Variants in ELF1 observed in about 807,000 individuals in gnomAD.
ELF1 encodes the protein E74 like ETS transcription factor 1.
ELF1 carries 24 observed loss-of-function variants against 59.9 expected under a neutral mutation model. That is an observed-to-expected ratio of 0.40 (90% confidence interval 0.29 to 0.56). The LOEUF (loss-of-function observed/expected upper bound fraction) is 0.56. Ranked by LOEUF, ELF1 falls within the 20% of genes least tolerant of loss-of-function variation. The pLI, the probability that ELF1 is intolerant of heterozygous loss-of-function variation, is 0.44. For missense variants in ELF1, 627 were observed against 742.2 expected, an observed-to-expected ratio of 0.84 and a Z score of 1.80; for synonymous variants, 248 against 266.2, an observed-to-expected ratio of 0.93 and a Z score of 0.67.
At chr13:40,964,689 TA>T (rs1308821648) in intron 2 of ELF1, among the ~76,000 whole-genome samples, 1 of 152,098 alleles carries the variant, frequency 6.6e-6, no homozygotes, top group Non-Finnish European at 1.5e-5. Flanking sequence ...CATGCACCAT[TA>T]CGCCTGGCTA....
intron 1 of ELF1, among the ~76,000 whole-genome samples, chr13:40,988,182 A>C (rs1873656610): frequency 1.3e-5 from 2 of 152,320 alleles, no homozygotes; most frequent in South Asian, 4.1e-4. Context: ...CAGTCTTCCA[A>C]AGTTTGCCCA....
At chr13:40,999,977 TG>T in intron 1 of ELF1, among the ~76,000 whole-genome samples, 1 of 152,326 alleles carries the variant, frequency 6.6e-6, no homozygotes, top group East Asian at 1.9e-4. Context: ...TGAACACCAG[TG>T]TAACTTTGAA....
intron 2 of ELF1, among the ~76,000 whole-genome samples, chr13:40,978,816 T>C (rs559037508): frequency 1.2e-4 from 18 of 151,678 alleles, no homozygotes; most frequent in African/African-American, 4.3e-4. Flanking sequence ...GGACTTCTGT[T>C]GATAATGGTT....
intron 2 of ELF1, among the ~76,000 whole-genome samples, chr13:40,966,743 T>A (rs1872197172): frequency 6.6e-6 from 1 of 152,222 alleles, no homozygotes; most frequent in Non-Finnish European, 1.5e-5. Flanking sequence ...CAGAACTCAA[T>A]CTGGTATATG....
rs145860913 is a variant in ELF1, at chr13:40,933,898, A to T, written c.1387T>A (p.Ser463Thr). The change falls in exon 9 of 9, where the codon TCT becomes ACT. Residue 463 changes from serine to threonine, a missense_variant. This residue lies in a region of ELF1 where 361 missense variants were observed against 396.1 expected (regional missense o/e 0.91). Transcript: ENST00000239882. ...ATGGCTTGTAAAATAAACTTCTGAG[A>T]TCCAGTACCTGCTGATGGATCTGTG... The part of the protein sequence containing the change: ...ASTDPSAGTG[S>T]QKFILQAIPS... The T allele has an allele frequency of 6.2e-5, 100 of 1,614,094 alleles. No individual in the cohort carries two copies. The highest frequency in any genetic ancestry group is 8.2e-5 in the Non-Finnish European group (97 of 1,180,036).
chr13:40,955,094 G>C (rs1372304179), intron 3 of ELF1, among the ~76,000 whole-genome samples: 1 of 150,766 alleles, frequency 6.6e-6, no homozygotes, highest in Non-Finnish European at 1.5e-5. Flanking sequence ...TCTCTGCCCG[G>C]CTGCCCCGTC....
chr13:40,964,779 C>G (rs1030975360), intron 2 of ELF1, among the ~76,000 whole-genome samples: 1 of 152,182 alleles, frequency 6.6e-6, no homozygotes, highest in African/African-American at 2.4e-5. Flanking sequence ...AAGCGATCCA[C>G]CCAACTCGGC....
chr13:41,041,349 T>C (rs1335769363), intron 1 of ELF1, among the ~76,000 whole-genome samples: 8 of 150,896 alleles, frequency 5.3e-5, no homozygotes, highest in African/African-American at 1.9e-4. Flanking sequence ...GTCCTTGACA[T>C]ACACATCTCA....
intron 1 of ELF1, among the ~76,000 whole-genome samples, chr13:41,003,797 A>AT (rs1442649356): frequency 6.6e-6 from 1 of 152,178 alleles, no homozygotes; most frequent in Non-Finnish European, 1.5e-5. Flanking sequence ...CTTCAGCTAC[A>AT]TTTTTTAATG....
chr13:40,981,900 T>C (rs1873293807), intron 2 of ELF1, 83 bp downstream of exon 2: 2 of 1,455,494 alleles, frequency 1.4e-6, no homozygotes, highest in South Asian at 2.7e-5. Flanking sequence ...TCTCTCATTG[T>C]CTTTTAAAGG....
At chr13:41,000,500 C>T (rs150602889) in intron 1 of ELF1, among the ~76,000 whole-genome samples, 1,713 of 151,832 alleles carry the variant, frequency 0.011, 31 homozygotes, top group African/African-American at 0.037. Context: ...GGATTACAGG[C>T]GTGAGCCACC....
intron 1 of ELF1, chr13:40,992,862 T>C (rs909886947): frequency 1.2e-5 from 7 of 573,448 alleles, no homozygotes; most frequent in East Asian, 3.1e-5. Flanking sequence ...AAGAATTCTC[T>C]AGCTCGAGAA....
At chr13:40,959,641 T>C (rs955457520) in intron 2 of ELF1, among the ~76,000 whole-genome samples, 2 of 152,216 alleles carry the variant, frequency 1.3e-5, no homozygotes, top group Non-Finnish European at 2.9e-5. Context: ...AGCTTAATAT[T>C]ACACTGTCGC....
Position 40,949,874 on chromosome 13 carries a change from T to C in ELF1, c.461A>G (p.Gln154Arg). ...LDGIPEVMET[Q>R]QVQEKYADSP... ...GTCTGCATATTTTTCTTGCACCTGC[T>C]GTGTTTCCATCACTTCAGGAATCCC... The change falls in exon 5 of 9, where the codon CAG becomes CGG. Residue 154 changes from glutamine to arginine, a missense_variant. Transcript: ENST00000239882. 1 of 1,614,182 alleles carries C rather than the reference T, an allele frequency of 6.2e-7. No homozygotes were observed. The highest frequency in any genetic ancestry group is 1.1e-5 in the South Asian group (1 of 91,088).
upstream of ELF1, among the ~76,000 whole-genome samples, chr13:41,019,772 A>C (rs1875616801): frequency 6.6e-6 from 1 of 152,144 alleles, no homozygotes; most frequent in Admixed American, 6.5e-5. Context: ...AAAGAGATAT[A>C]TTGCTATGTA....
chr13:41,057,995 T>C (rs1441358754), intron 1 of ELF1, among the ~76,000 whole-genome samples: 3 of 152,216 alleles, frequency 2.0e-5, no homozygotes, highest in Admixed American at 2.0e-4. Context: ...ACTGATTGCT[T>C]TTCTCCATTC....
At chr13:41,041,325 T>C (rs1161512322) in intron 1 of ELF1, among the ~76,000 whole-genome samples, 6 of 150,432 alleles carry the variant, frequency 4.0e-5, no homozygotes, top group African/African-American at 1.5e-4. Flanking sequence ...ATTTTCAAAG[T>C]CTTTCTTTGC....
chr13:41,027,114 T>G (rs1221081132), intron 1 of ELF1, among the ~76,000 whole-genome samples: 2 of 152,260 alleles, frequency 1.3e-5, no homozygotes, highest in Middle Eastern at 3.4e-3. Context: ...GAAGGAGAAA[T>G]GGCCAGATGT....
At chr13:41,060,514 G>A (rs1220902368) in intron 1 of ELF1, among the ~76,000 whole-genome samples, 1 of 152,164 alleles carries the variant, frequency 6.6e-6, no homozygotes, top group African/African-American at 2.4e-5. Context: ...GTGAGCCGGA[G>A]GCGGGAGGGA....
Sources: gnomAD v4.1 joint callset for allele counts (sites outside exome capture counted in the v4.1 genomes callset) on GRCh38, gnomAD v4.1.1 for gene constraint, gnomAD v4.1.1 regional missense constraint, MANE v1.5 for transcripts, NCBI Gene and HGNC (gene_info 2026-07-23, HGNC 2026-07-21) for gene names.